Variants in ALK observed in about 807,000 individuals in gnomAD.
ALK encodes ALK receptor tyrosine kinase.
In ALK, 74 loss-of-function variants were observed where a neutral mutation model predicts 163.1. The observed-to-expected ratio is 0.45, with a 90% CI of 0.38 to 0.55. The LOEUF is 0.55. ALK is among the 20% of genes least tolerant of loss of function. The pLI, the probability that ALK is intolerant of heterozygous loss-of-function variation, is 0.00. For synonymous variants in ALK, 960 were observed against 843.2 expected (o/e 1.14, Z -2.40); for missense variants, 2,063 against 2,105.3 (o/e 0.98, Z 0.39).
chr2:29,255,707 C>A lies in ALK; in HGVS notation c.2042-4440G>T, dbSNP rs4638747. On this transcript the variant is annotated intron_variant, in intron 11 of 28. Transcript: ENST00000389048. ...CTTGTCAGATTGTCCCTACATAAGT[C>A]CCGGACCCACCTTGTCTTTTTCAGA... Among the ~76,000 whole-genome samples the A allele has an allele frequency of 9.9e-3, 1,505 of 152,220 alleles. 12 individuals are homozygous for A. Among genetic ancestry groups the A allele is most frequent in the Middle Eastern group, 0.02 (6 of 294 alleles).
intron 2 of ALK, 68 bp from the exon 3 acceptor site, chr2:29,695,082 T>A: frequency 2.5e-6 from 4 of 1,578,470 alleles, no homozygotes; most frequent in Non-Finnish European, 3.5e-6. Flanking sequence ...CCCCCTCCAC[T>A]CCACACTAGG....
chr2:29,910,946 T>C (rs1382805312), intron 1 of ALK, among the ~76,000 whole-genome samples: 1 of 152,100 alleles, frequency 6.6e-6, no homozygotes, highest in Non-Finnish European at 1.5e-5. Context: ...TCCTGTTCTT[T>C]ACAACCGAAA....
intron 3 of ALK, among the ~76,000 whole-genome samples, chr2:29,629,727 T>C (rs559675949): frequency 1.3e-5 from 2 of 152,260 alleles, no homozygotes; most frequent in South Asian, 2.1e-4. Context: ...AAGCCCTTTA[T>C]ATACATGATC....
intron 4 of ALK, among the ~76,000 whole-genome samples, chr2:29,521,107 G>C (rs1672799981): frequency 6.6e-6 from 1 of 152,166 alleles, no homozygotes; most frequent in African/African-American, 2.4e-5. Context: ...ACACAGTGGG[G>C]CTAAGAAAAA....
chr2:29,667,430 G>A (rs544416610), intron 3 of ALK, among the ~76,000 whole-genome samples: 4 of 151,800 alleles, frequency 2.6e-5, no homozygotes, highest in East Asian at 1.9e-4. Flanking sequence ...TTTCCTATTC[G>A]GTACAATGTT....
At chr2:29,830,966 AGAAGAAGAAGAAG>A (rs1558508257) in intron 1 of ALK, among the ~76,000 whole-genome samples, 15 of 27,344 alleles carry the variant, frequency 5.5e-4, no homozygotes, top group African/African-American at 1.8e-3. Context: ...AAGAAGAAGA[AGAAGAAGAAGAAG>A]AAGAAGAAGA....
rs186355598 is a variant in ALK at position 29,213,462 on chromosome 2, A to G, written c.3743+522T>C. Among the ~76,000 whole-genome samples, 214 of 152,304 alleles carry G rather than the reference A, an allele frequency of 1.4e-3. 1 individual carries two copies. Among genetic ancestry groups the G allele is most frequent in the African/African-American group, 4.7e-3 (197 of 41,578 alleles). On this transcript the variant is annotated intron_variant, in intron 24 of 28. Transcript: ENST00000389048. ...CAGCATCCTTGCCTATAAGCCACCCATTGTCAAAAATGCAATTCCTTAACT... is the reference window on the plus strand; with the variant it reads ...CAGCATCCTTGCCTATAAGCCACCCGTTGTCAAAAATGCAATTCCTTAACT...
chr2:29,289,154 C>T (rs1330429178), intron 9 of ALK, among the ~76,000 whole-genome samples: 1 of 152,048 alleles, frequency 6.6e-6, no homozygotes. Context: ...GGCACAGATG[C>T]TTGGTTCAGT....
chr2:29,470,250 C>T (rs1671317907), intron 4 of ALK, among the ~76,000 whole-genome samples: 1 of 151,922 alleles, frequency 6.6e-6, no homozygotes, highest in Non-Finnish European at 1.5e-5. Flanking sequence ...ACACGTGAGT[C>T]ACAATGAAAA....
chr2:29,697,942 C>A (rs1383773727), intron 2 of ALK, among the ~76,000 whole-genome samples: 2 of 152,120 alleles, frequency 1.3e-5, no homozygotes, highest in Admixed American at 1.3e-4. Flanking sequence ...AGAGTGGGAG[C>A]AAAATATTCC....
At chr2:29,485,439 C>A (rs1671756312) in intron 4 of ALK, among the ~76,000 whole-genome samples, 1 of 152,146 alleles carries the variant, frequency 6.6e-6, no homozygotes, top group African/African-American at 2.4e-5. Flanking sequence ...TTCATTTCAG[C>A]CTGATTCTGT....
At chr2:29,835,822 T>G (rs1020950020) in intron 1 of ALK, among the ~76,000 whole-genome samples, 8 of 152,222 alleles carry the variant, frequency 5.3e-5, no homozygotes, top group Non-Finnish European at 1.0e-4. Context: ...TGCCTCCATG[T>G]AAGACAAGCC....
intron 1 of ALK, among the ~76,000 whole-genome samples, chr2:29,773,664 G>T (rs1314194353): frequency 1.3e-5 from 2 of 152,202 alleles, no homozygotes; most frequent in Admixed American, 6.5e-5. Context: ...CATTGAGATG[G>T]ATGATGGGAA....
chr2:29,275,540 G>C, intron 9 of ALK, 44 bp from the exon 10 acceptor site: 1 of 1,601,154 alleles, frequency 6.2e-7, no homozygotes, highest in Non-Finnish European at 8.6e-7. Context: ...AAACTGGGGG[G>C]TCTTGTCTTA....
chr2:29,473,864 C>CAAAAACAAAAAACA (rs1389990995), intron 4 of ALK, among the ~76,000 whole-genome samples: 2 of 151,954 alleles, frequency 1.3e-5, no homozygotes, highest in East Asian at 3.9e-4. Flanking sequence ...AAAACAAAAA[C>CAAAAACAAAAAACA]AAAAACAAAA....
At chr2:29,822,940 G>A (rs1469087714) in intron 1 of ALK, among the ~76,000 whole-genome samples, 1 of 152,178 alleles carries the variant, frequency 6.6e-6, no homozygotes, top group Non-Finnish European at 1.5e-5. Flanking sequence ...ATAATAGAAA[G>A]ATACTGTTCC....
At chr2:29,569,840 G>A (rs2148189338) in intron 3 of ALK, among the ~76,000 whole-genome samples, 1 of 152,268 alleles carries the variant, frequency 6.6e-6, no homozygotes, top group Middle Eastern at 3.4e-3. Flanking sequence ...ATCCACTCTA[G>A]GAGGGGAAGA....
rs182961399 is a variant in ALK, at chr2:29,778,691, C to T, written c.668-60994G>A. On this transcript the variant is annotated intron_variant, in intron 1 of 28. Transcript: ENST00000389048. ...TATGGCAGCTGAAAGTTTCCTATGG[C>T]CTAGAAAAGGCAACACTACAACTCT... Among the ~76,000 whole-genome samples the T allele has an allele frequency of 1.7e-3, 254 of 152,180 alleles. 5 individuals carry two copies. Among genetic ancestry groups the T allele is most frequent in the Non-Finnish European group, 3.1e-4 (21 of 68,000 alleles).
intron 3 of ALK, among the ~76,000 whole-genome samples, chr2:29,633,245 T>C (rs1047613933): frequency 2.6e-5 from 4 of 152,154 alleles, no homozygotes; most frequent in African/African-American, 9.7e-5. Context: ...ACAGTGATCA[T>C]GTCAAAATAA....
Sources: allele counts gnomAD v4.1 joint callset (sites outside exome capture counted in the v4.1 genomes callset), GRCh38; gene constraint gnomAD v4.1.1; transcripts MANE v1.5; gene names NCBI Gene and HGNC (gene_info 2026-07-23, HGNC 2026-07-21).